The following NTM variants were observed in gnomAD, a reference collection of about 807,000 sequenced individuals.
The protein encoded by NTM is IgLON family member 2.
In NTM, 13 loss-of-function variants were observed where a neutral mutation model predicts 42.1. The observed-to-expected ratio is 0.31, with a 90% CI of 0.20 to 0.49. The LOEUF (loss-of-function observed/expected upper bound fraction) is 0.49. Among genes scored for constraint, NTM ranks in the 20% least tolerant of loss-of-function variants. The probability of loss-of-function intolerance (pLI) is 0.99; values close to 1 mark genes in which losing one functional copy is unlikely to be tolerated. For missense variants in NTM, 373 were observed against 452.8 expected, an observed-to-expected ratio of 0.82 and a Z score of 1.60; for synonymous variants, 187 against 179.2, an observed-to-expected ratio of 1.04 and a Z score of -0.35.
chr11:131,948,381 CA>C (rs1172904124), intron 2 of NTM, among the ~76,000 whole-genome samples: 3 of 47,758 alleles, frequency 6.3e-5, no homozygotes, highest in Admixed American at 5.6e-4. Flanking sequence ...AACAAAAAAA[CA>C]AAAAAACAAA....
At chr11:131,418,691 T>A (rs1947195816) in intron 1 of NTM, among the ~76,000 whole-genome samples, 1 of 152,198 alleles carries the variant, frequency 6.6e-6, no homozygotes, top group African/African-American at 2.4e-5. Context: ...ACTTCTACCC[T>A]GGTAGGAGTC....
chr11:132,288,035 G>A (rs963685263), intron 4 of NTM, among the ~76,000 whole-genome samples: 13 of 152,188 alleles, frequency 8.5e-5, no homozygotes, highest in Admixed American at 8.5e-4. Context: ...TATATGCTTT[G>A]TGAAAAATAA....
At chr11:131,769,530 C>A in intron 1 of NTM, 2 of 746,180 alleles carry the variant, frequency 2.7e-6, no homozygotes, top group Non-Finnish European at 3.3e-6. Flanking sequence ...GTTATTGTTT[C>A]GTTTCCTTTT....
At chr11:131,506,441 T>C (rs2047503993) in intron 1 of NTM, among the ~76,000 whole-genome samples, 1 of 152,144 alleles carries the variant, frequency 6.6e-6, no homozygotes, top group South Asian at 2.1e-4. Flanking sequence ...GCAAATGGGA[T>C]TTTTTACAAC....
chr11:132,310,429 A>T (rs1281299297), intron 6 of NTM, among the ~76,000 whole-genome samples, 197 bp downstream of exon 6: 1 of 152,218 alleles, frequency 6.6e-6, no homozygotes, highest in Non-Finnish European at 1.5e-5. Flanking sequence ...CACCATGTAG[A>T]ATTATCACTG....
At chr11:132,015,757 T>G (rs1419272089) in intron 2 of NTM, among the ~76,000 whole-genome samples, 13 of 151,980 alleles carry the variant, frequency 8.6e-5, no homozygotes, top group Non-Finnish European at 1.5e-5. Flanking sequence ...GATTTTTGTA[T>G]GTTGATTTTG....
At chr11:132,157,599 TG>T (rs1355897497) in intron 3 of NTM, among the ~76,000 whole-genome samples, 2 of 152,204 alleles carry the variant, frequency 1.3e-5, no homozygotes, top group African/African-American at 4.8e-5. Flanking sequence ...GGTTTGTGAA[TG>T]TGGGACCAGA....
In NTM at chr11:131,721,996, CAAAAAAAAAAAAAA is replaced by C; in HGVS notation, c.83-189555_83-189542del. Among the ~76,000 whole-genome samples the C allele has an allele frequency of 1.9e-4, 2 of 10,286 alleles. 1 individual carries two copies. The highest frequency in any genetic ancestry group is 4.4e-4 in the Non-Finnish European group (2 of 4,526). 6.7% of individuals were successfully genotyped at this position (10,286 alleles called of 152,430 possible). A position where few individuals can be genotyped will look rare whatever the true frequency, so the allele number is the denominator to read the frequency against. On this transcript the variant is annotated intron_variant, in intron 1 of 8. Coordinates refer to ENST00000683400, the MANE Select transcript of NTM (RefSeq NM_001352005.2). Reference sequence around the variant, plus strand: ...CCAGGACAAGAGTGAAACTCTGTCTCAAAAAAAAAAAAAAAAAAAAAAAAAAGAGAGAAAGAAAG... The same window carrying C: ...CCAGGACAAGAGTGAAACTCTGTCTCAAAAAAAAAAAAGAGAGAAAGAAAG...
intron 1 of NTM, among the ~76,000 whole-genome samples, chr11:131,558,867 C>T (rs76939377): frequency 6.6e-6 from 1 of 152,220 alleles, no homozygotes; most frequent in East Asian, 1.9e-4. Context: ...AGATTGATTT[C>T]AGGTTTCTTA....
At chr11:131,843,167 TA>T (rs1184387780) in intron 1 of NTM, among the ~76,000 whole-genome samples, 1 of 152,190 alleles carries the variant, frequency 6.6e-6, no homozygotes, top group Non-Finnish European at 1.5e-5. Flanking sequence ...TTTCACACAT[TA>T]TTACTAGAGA....
chr11:131,757,483 C>T (rs567511126), intron 1 of NTM, among the ~76,000 whole-genome samples: 18 of 152,324 alleles, frequency 1.2e-4, no homozygotes, highest in African/African-American at 4.3e-4. Context: ...ACAGTCTAGG[C>T]AAACATGAGT....
At chr11:131,678,824 C>T (rs540838250) in intron 1 of NTM, among the ~76,000 whole-genome samples, 2 of 152,116 alleles carry the variant, frequency 1.3e-5, no homozygotes, top group African/African-American at 2.4e-5. Flanking sequence ...TGGCCAGAAG[C>T]GAGGCTAGAA....
chr11:132,314,507 C>CATAACCATCTTGT (rs763074506), intron 6 of NTM, 45 bp from the exon 7 acceptor site: 3 of 1,577,784 alleles, frequency 1.9e-6, no homozygotes, highest in African/African-American at 2.7e-5. Context: ...TATGAGGACA[C>CATAACCATCTTGT]ATAACCATCT....
At chr11:131,496,786 C>G (rs372010346) in intron 1 of NTM, among the ~76,000 whole-genome samples, 41 of 152,212 alleles carry the variant, frequency 2.7e-4, no homozygotes, top group Admixed American at 1.3e-4. Context: ...ACCTCCTCCC[C>G]CTATCTCCTT....
At chr11:131,774,288 C>T (rs1390300838) in intron 1 of NTM, among the ~76,000 whole-genome samples, 3 of 152,168 alleles carry the variant, frequency 2.0e-5, no homozygotes. Context: ...CAGGGATGGG[C>T]TTCTCCATTT....
chr11:132,163,213 C>G (rs2074695506), intron 3 of NTM, among the ~76,000 whole-genome samples: 1 of 152,138 alleles, frequency 6.6e-6, no homozygotes, highest in Non-Finnish European at 1.5e-5. Context: ...GGGTTGAGTC[C>G]CGAGGATCTC....
Position 131,395,507 on chromosome 11 carries a change from A to G in NTM, c.82+24619A>G, listed in dbSNP as rs74394164. Reference sequence around the variant, plus strand: ...TTCTTCTTCTCTTTCTGAGACTTGGATTTATCATCATTCCATTAAGCAGGA... The same window carrying G: ...TTCTTCTTCTCTTTCTGAGACTTGGGTTTATCATCATTCCATTAAGCAGGA... On this transcript the variant is annotated intron_variant, in intron 1 of 8. Coordinates refer to ENST00000683400, the MANE Select transcript of NTM (RefSeq NM_001352005.2). Among the ~76,000 whole-genome samples the G allele has an allele frequency of 8.6e-5, 13 of 151,596 alleles. No homozygotes were observed. The East Asian group carries it at 2.5e-3, about 29-fold the overall frequency.
intron 1 of NTM, among the ~76,000 whole-genome samples, chr11:131,508,245 A>C (rs2047750407): frequency 6.9e-6 from 1 of 145,198 alleles, no homozygotes; most frequent in South Asian, 2.2e-4. Flanking sequence ...GACACTTCTC[A>C]AAAGAAGACA....
intron 3 of NTM, among the ~76,000 whole-genome samples, chr11:132,185,634 G>A (rs537066199): frequency 1.3e-4 from 20 of 152,168 alleles, no homozygotes; most frequent in East Asian, 1.9e-4. Flanking sequence ...TGCATATAAC[G>A]CAAATCTCTC....
Sources: allele counts gnomAD v4.1 joint callset (sites outside exome capture counted in the v4.1 genomes callset), GRCh38; gene constraint gnomAD v4.1.1; transcripts MANE v1.5; gene names NCBI Gene and HGNC (gene_info 2026-07-23, HGNC 2026-07-21).